Variants in CTTNBP2 observed in about 807,000 individuals in gnomAD.
The protein encoded by CTTNBP2 is cortactin-binding protein 2.
A neutral mutation model predicts 156.9 loss-of-function variants in CTTNBP2; 108 were observed. The ratio of observed to expected loss-of-function variants is 0.69; its 90% CI spans 0.59 to 0.81. The LOEUF (loss-of-function observed/expected upper bound fraction) is 0.81, where lower values mean the gene tolerates loss of function less well. CTTNBP2 is among the 30% of genes least tolerant of loss of function. The probability of loss-of-function intolerance (pLI) is 0.00; values close to 1 mark genes in which losing one functional copy is unlikely to be tolerated. For synonymous variants in CTTNBP2, 767 were observed against 751.8 expected (o/e 1.02, Z -0.33); for missense variants, 1,924 against 2,035.4 (o/e 0.95, Z 1.05).
At chr7:117,860,235 AC>A (rs1420596099) in intron 2 of CTTNBP2, among the ~76,000 whole-genome samples, 10 of 152,230 alleles carry the variant, frequency 6.6e-5, no homozygotes, top group Non-Finnish European at 1.5e-4. Context: ...AAGGAAAAAA[AC>A]AAGCACCAAA....
chr7:117,797,709 AAAT>A (rs1799395074), intron 3 of CTTNBP2, among the ~76,000 whole-genome samples: 1 of 152,046 alleles, frequency 6.6e-6, no homozygotes, highest in South Asian at 2.1e-4. Context: ...AGCAGAAGAA[AAAT>A]AATAATTAAT....
At chr7:117,801,118 G>A (rs936483070) in intron 3 of CTTNBP2, among the ~76,000 whole-genome samples, 1 of 152,108 alleles carries the variant, frequency 6.6e-6, no homozygotes, top group Non-Finnish European at 1.5e-5. Flanking sequence ...AGGGGAGAAA[G>A]AAAAGCTTTT....
chr7:117,771,421 C>T (rs1797791424), intron 8 of CTTNBP2, among the ~76,000 whole-genome samples: 1 of 152,124 alleles, frequency 6.6e-6, no homozygotes, highest in Non-Finnish European at 1.5e-5. Context: ...AAGCTGTTAA[C>T]GTGGGAAATA....
intron 2 of CTTNBP2, among the ~76,000 whole-genome samples, chr7:117,846,995 T>C (rs990971879): frequency 5.9e-5 from 9 of 152,086 alleles, no homozygotes; most frequent in African/African-American, 1.4e-4. Context: ...ACAAATTGAC[T>C]TAGAGACAAT....
At chr7:117,838,335 A>T (rs1802071584) in intron 2 of CTTNBP2, among the ~76,000 whole-genome samples, 1 of 152,202 alleles carries the variant, frequency 6.6e-6, no homozygotes, top group African/African-American at 2.4e-5. Flanking sequence ...CCGATCTCAT[A>T]AAATGGGGCC....
At chr7:117,868,093 A>C (rs1031577498) in intron 1 of CTTNBP2, among the ~76,000 whole-genome samples, 2 of 152,184 alleles carry the variant, frequency 1.3e-5, no homozygotes, top group African/African-American at 2.4e-5. Flanking sequence ...ACTACATCTC[A>C]AATAAAACAA....
At chr7:117,869,788 T>C (rs1804452614) in intron 1 of CTTNBP2, among the ~76,000 whole-genome samples, 1 of 137,024 alleles carries the variant, frequency 7.3e-6, no homozygotes. Flanking sequence ...CAACCTATTA[T>C]TTAAGAAGAA....
chr7:117,838,797 T>C (rs1345726295), intron 2 of CTTNBP2, among the ~76,000 whole-genome samples: 1 of 152,114 alleles, frequency 6.6e-6, no homozygotes, highest in Non-Finnish European at 1.5e-5. Context: ...AATAAAGATT[T>C]CAGGATTTAC....
chr7:117,764,517 TTATTTAGTGG>T (rs1797373335), intron 9 of CTTNBP2, among the ~76,000 whole-genome samples: 2 of 152,230 alleles, frequency 1.3e-5, no homozygotes, highest in Non-Finnish European at 2.9e-5. Context: ...ACACTTTGCC[TTATTTAGTGG>T]TACTTATAAC....
chr7:117,794,524 C>T (rs1256281876), intron 3 of CTTNBP2, among the ~76,000 whole-genome samples: 1 of 152,208 alleles, frequency 6.6e-6, no homozygotes, highest in Non-Finnish European at 1.5e-5. Context: ...GGAAGATACT[C>T]TCATGATCTG....
chr7:117,719,365 T>C, intron 21 of CTTNBP2, 139 bp downstream of exon 21: 2 of 784,764 alleles, frequency 2.5e-6, no homozygotes, highest in Non-Finnish European at 3.9e-6. Flanking sequence ...ACGGCCTTTC[T>C]AAGCAAGGTG....
At chr7:117,821,375 T>C (rs1800957762) in intron 2 of CTTNBP2, among the ~76,000 whole-genome samples, 1 of 152,054 alleles carries the variant, frequency 6.6e-6, no homozygotes, top group South Asian at 2.1e-4. Flanking sequence ...TTTTTTGTTT[T>C]TTAATAGCTG....
intron 3 of CTTNBP2, among the ~76,000 whole-genome samples, chr7:117,798,320 C>T (rs776491641): frequency 2.0e-5 from 3 of 152,078 alleles, no homozygotes; most frequent in Non-Finnish European, 2.9e-5. Flanking sequence ...TCTTTTCAAA[C>T]GTACTTGCTG....
chr7:117,742,682 A>G (rs1796085511), intron 14 of CTTNBP2, among the ~76,000 whole-genome samples: 1 of 152,192 alleles, frequency 6.6e-6, no homozygotes, highest in Non-Finnish European at 1.5e-5. Flanking sequence ...GACTGGCAGG[A>G]TGTGACGATG....
intron 18 of CTTNBP2, 28 bp downstream of exon 18, chr7:117,725,024 C>G: frequency 6.2e-7 from 1 of 1,600,900 alleles, no homozygotes; most frequent in Non-Finnish European, 8.5e-7. Flanking sequence ...GTGTGAATTT[C>G]CTCTCCTCTC....
Position 117,735,414 on chromosome 7 carries a change from C to T in CTTNBP2, c.3543G>A (p.Leu1181=), listed in dbSNP as rs547290295. The change falls in exon 15 of 23, where the codon CTG becomes CTA. Residue 1181 remains leucine (L), a synonymous_variant. Transcript: ENST00000160373. ...LLDLFISSAC[L]IPVKQSPSKK... is the part of the protein sequence containing the mutation. ...TACTGGGAGATTGTTTCACTGGGAT[C>T]AGACAAGCTATAATAAAAAAGGAAA... 1.9e-6 allele frequency: 3 copies of T among 1,605,882 alleles called. No homozygotes were observed. The highest frequency in any genetic ancestry group is 2.2e-5 in the East Asian group (1 of 44,834).
At chr7:117,854,652 G>A (rs1025722726) in intron 2 of CTTNBP2, among the ~76,000 whole-genome samples, 5 of 152,110 alleles carry the variant, frequency 3.3e-5, no homozygotes, top group African/African-American at 1.2e-4. Flanking sequence ...TTGTTAAAAT[G>A]GGCATTTTCA....
At chr7:117,739,326 C>T (rs118154695) in intron 14 of CTTNBP2, among the ~76,000 whole-genome samples, 2,370 of 152,308 alleles carry the variant, frequency 0.016, 53 homozygotes, top group Non-Finnish European at 0.016. Context: ...GAAGGCCACA[C>T]ACCCCATGTT....
intron 1 of CTTNBP2, among the ~76,000 whole-genome samples, chr7:117,863,147 G>A (rs1377277566): frequency 2.6e-5 from 4 of 152,138 alleles, no homozygotes; most frequent in South Asian, 4.2e-4. Context: ...GAGATATGAC[G>A]GTACAAAGGG....
Sources: allele counts gnomAD v4.1 joint callset (sites outside exome capture counted in the v4.1 genomes callset), GRCh38; gene constraint gnomAD v4.1.1; transcripts MANE v1.5; gene names NCBI Gene and HGNC (gene_info 2026-07-23, HGNC 2026-07-21).